The following ABCG1 variants were observed in gnomAD, a reference collection of about 807,000 sequenced individuals.
The protein encoded by ABCG1 is ATP-binding cassette sub-family G member 1.
Under a neutral mutation model 69.2 loss-of-function variants are expected in ABCG1, and 29 were observed. The ratio of observed to expected loss-of-function variants is 0.42; its 90% CI spans 0.31 to 0.57. ABCG1 has a LOEUF of 0.57. Ranked by LOEUF, ABCG1 falls within the 20% of genes least tolerant of loss-of-function variation. The pLI is 0.15. For missense variants in ABCG1, 718 were observed against 898.1 expected (o/e 0.80, Z 2.56); for synonymous variants, 370 against 374.8 (o/e 0.99, Z 0.15).
chr21:42,292,007 G>T (rs139878476), intron 13 of ABCG1, among the ~76,000 whole-genome samples: 1 of 152,260 alleles, frequency 6.6e-6, no homozygotes, highest in Non-Finnish European at 1.5e-5. Context: ...TTTGTCAGGG[G>T]GTCACACAGC....
At chr21:42,229,674 C>T (rs151293605) in intron 2 of ABCG1, among the ~76,000 whole-genome samples, 1 of 151,790 alleles carries the variant, frequency 6.6e-6, no homozygotes, top group Non-Finnish European at 1.5e-5. Context: ...GAGTCGGGAT[C>T]GTACCATTGT....
At chr21:42,221,555 G>A (rs1348385453) in intron 1 of ABCG1, among the ~76,000 whole-genome samples, 1 of 152,184 alleles carries the variant, frequency 6.6e-6, no homozygotes, top group African/African-American at 2.4e-5. Flanking sequence ...GAGGTGTTCT[G>A]GGATTCCAAG....
intron 2 of ABCG1, among the ~76,000 whole-genome samples, chr21:42,207,528 A>G (rs1246408093): frequency 1.3e-5 from 2 of 152,152 alleles, no homozygotes; most frequent in Non-Finnish European, 2.9e-5. Context: ...GCTTGTTAAC[A>G]TTTGTTGGAT....
intron 2 of ABCG1, chr21:42,256,457 C>T (rs1185340599): frequency 4.5e-6 from 7 of 1,549,642 alleles, no homozygotes; most frequent in East Asian, 2.4e-5. Flanking sequence ...CGCAGAGTAT[C>T]CACACCCTGG....
intron 13 of ABCG1, among the ~76,000 whole-genome samples, chr21:42,293,964 CCACACACACACTCCA>C (rs2069151258): frequency 6.2e-5 from 2 of 32,148 alleles, no homozygotes; most frequent in African/African-American, 1.9e-4. Context: ...CACACACACT[CCACACACACACTCCA>C]CACACACACT....
At chr21:42,223,356 T>G (rs2067761475) in intron 1 of ABCG1, among the ~76,000 whole-genome samples, 8 of 152,208 alleles carry the variant, frequency 5.3e-5, no homozygotes. Context: ...GGGTCTGTGT[T>G]GCGTTAGATA....
intron 2 of ABCG1, among the ~76,000 whole-genome samples, chr21:42,202,704 C>A (rs893957489): frequency 6.6e-6 from 1 of 152,042 alleles, no homozygotes; most frequent in Non-Finnish European, 1.5e-5. Context: ...CTCTGCCTCC[C>A]AGGCTCAAGC....
chr21:42,201,895 C>T (rs1225903565), intron 2 of ABCG1, among the ~76,000 whole-genome samples: 1 of 152,176 alleles, frequency 6.6e-6, no homozygotes, highest in Admixed American at 6.5e-5. Context: ...AAACTGGGGA[C>T]CTGTGTCTCC....
In ABCG1 at chr21:42,207,763, G is replaced by T. The variant is rs558502272; in HGVS notation, c.48+6040G>T. On this transcript the variant is annotated intron_variant, in intron 2 of 15. Transcript: ENST00000398457. ...GGTTGAAGTTCTGGCTTTCCATTTGGCCTCTACTGATACCTCCCTAGCTGG... is the reference window on the plus strand; with the variant it reads ...GGTTGAAGTTCTGGCTTTCCATTTGTCCTCTACTGATACCTCCCTAGCTGG... Among the ~76,000 whole-genome samples the T allele has an allele frequency of 2.6e-5, 4 of 152,262 alleles. No homozygotes were observed. The South Asian group carries it at 8.3e-4, about 32-fold the overall frequency.
chr21:42,290,233 G>A lies in ABCG1; in HGVS notation c.1393+15G>A, dbSNP rs377587356. The A allele has an allele frequency of 1.3e-5, 21 of 1,607,542 alleles. No individual in the cohort carries two copies. In the Admixed American group the frequency reaches 1.3e-4, roughly 10 times the overall value. Reference sequence around the variant, plus strand: ...TGTTCTGACATGTGAGTGACAGACCGCTGACCCCTTCTTCCTTATTTTCAA... The same window carrying A: ...TGTTCTGACATGTGAGTGACAGACCACTGACCCCTTCTTCCTTATTTTCAA... On this transcript the variant is annotated intron_variant, in intron 11 of 14. Coordinates refer to ENST00000398449, the MANE Select transcript of ABCG1 (RefSeq NM_016818.3).
In ABCG1 at chr21:42,273,527, A is replaced by G; in HGVS notation, c.537+92A>G. On this transcript the variant is annotated intron_variant, in intron 4 of 14. Transcript: ENST00000398449. The surrounding 1 kb of genome is among the most constrained non-coding windows in gnomAD (Gnocchi z 5.3). ...AGCACTGGCCGAGTGCCCAGCTGCG[A>G]GGGACCCAAGGGCTCTGCCACGCGG... 6.9e-7 allele frequency: 1 copy of G among 1,447,516 alleles called. No individual in the cohort carries two copies. Among genetic ancestry groups the G allele is most frequent in the South Asian group, 1.3e-5 (1 of 75,210 alleles). 89.7% of individuals were successfully genotyped at this position (1,447,516 alleles called of 1,614,324 possible). A position where few individuals can be genotyped will look rare whatever the true frequency, so the allele number is the denominator to read the frequency against.
intron 2 of ABCG1, among the ~76,000 whole-genome samples, chr21:42,250,515 G>A (rs1178766257): frequency 6.6e-6 from 1 of 152,222 alleles, no homozygotes; most frequent in Non-Finnish European, 1.5e-5. Context: ...CAGCTAGCCT[G>A]TTGGAAGAGA....
chr21:42,235,766 G>A (rs932559281), intron 2 of ABCG1, among the ~76,000 whole-genome samples: 1 of 152,132 alleles, frequency 6.6e-6, no homozygotes, highest in Non-Finnish European at 1.5e-5. Flanking sequence ...TAAATGCTTC[G>A]TATCAGACTT....
intron 5 of ABCG1, among the ~76,000 whole-genome samples, chr21:42,279,240 G>A (rs2068763567): frequency 6.6e-6 from 1 of 152,170 alleles, no homozygotes; most frequent in South Asian, 2.1e-4. Flanking sequence ...GCGTGGAGGA[G>A]GAGCCAAGAG....
intron 2 of ABCG1, among the ~76,000 whole-genome samples, chr21:42,204,016 G>C (rs2067525331): frequency 6.6e-6 from 1 of 152,088 alleles, no homozygotes; most frequent in Admixed American, 6.6e-5. Context: ...AGTTGTGAAT[G>C]GTGTCACGTT....
Position 42,287,280 on chromosome 21 carries a change from G to A in ABCG1, c.974-609G>A, listed in dbSNP as rs150197169. 9.3e-4 allele frequency among the ~76,000 whole-genome samples: 141 copies of A among 152,270 alleles called. No homozygotes were observed. Among genetic ancestry groups the A allele is most frequent in the African/African-American group, 2.4e-3 (99 of 41,538 alleles). ...AGGTGGAGGGAGACCTTAGGGGAGC[G>A]AGTCTGCAGGTGGAGTGGGGAGGTG... On this transcript the variant is annotated intron_variant, in intron 8 of 14. Coordinates refer to ENST00000398449, the MANE Select transcript of ABCG1 (RefSeq NM_016818.3). This position sits in a 1 kb window ranked among gnomAD's most constrained non-coding sequence, Gnocchi z 6.2.
intron 2 of ABCG1, among the ~76,000 whole-genome samples, chr21:42,206,118 G>A (rs111502304): frequency 0.033 from 5,016 of 152,210 alleles, 139 homozygotes; most frequent in Middle Eastern, 0.068. Flanking sequence ...CAGCACTTTG[G>A]GAGGCTGAGG....
upstream of ABCG1, among the ~76,000 whole-genome samples, chr21:42,218,848 G>A (rs2067672365): frequency 6.6e-6 from 1 of 152,292 alleles, no homozygotes; most frequent in South Asian, 2.1e-4. Context: ...CCGAGCCTGG[G>A]AACCCCGGCG....
At chr21:42,212,787 G>T (rs1230045748), upstream of ABCG1, among the ~76,000 whole-genome samples, 1 of 149,522 alleles carries the variant, frequency 6.7e-6, no homozygotes, top group Admixed American at 6.7e-5. Context: ...TCCGCTTCCC[G>T]GGTTCACACC....
Sources: allele counts gnomAD v4.1 joint callset (sites outside exome capture counted in the v4.1 genomes callset), GRCh38; gene constraint gnomAD v4.1.1; non-coding constraint Gnocchi (gnomAD v3.1); transcripts MANE v1.5; gene names NCBI Gene and HGNC (gene_info 2026-07-23, HGNC 2026-07-21).